The following NEBL variants were observed in gnomAD, a reference collection of about 807,000 sequenced individuals.
NEBL encodes nebulette.
NEBL carries 122 observed loss-of-function variants against 140.2 expected under a neutral mutation model. That is an observed-to-expected ratio of 0.87 (90% confidence interval 0.75 to 1.01). The LOEUF is 1.01. NEBL is among the 50% of genes least tolerant of loss of function. The probability of loss-of-function intolerance (pLI) is 0.00; values close to 1 mark genes in which losing one functional copy is unlikely to be tolerated. For missense variants in NEBL, 1,365 were observed against 1,231.3 expected (o/e 1.11, Z -1.62); for synonymous variants, 436 against 398.9 (o/e 1.09, Z -1.11).
At chr10:20,846,354 T>C (rs972870187) in intron 11 of NEBL, among the ~76,000 whole-genome samples, 1 of 152,218 alleles carries the variant, frequency 6.6e-6, no homozygotes, top group Admixed American at 6.5e-5. Flanking sequence ...TCCAGGTTGA[T>C]TATTTATTCA....
In NEBL at chr10:21,189,269, AGAG is replaced by A. The variant is rs374299456; in HGVS notation, n.349-16795_349-16793del. Among the ~76,000 whole-genome samples the A allele has an allele frequency of 1.3e-3, 193 of 152,260 alleles. 1 individual carries two copies. Among genetic ancestry groups the A allele is most frequent in the East Asian group, 4.5e-3 (23 of 5,166 alleles). ...AGACAGGCAGAAGAGGAGGAGACAC[AGAG>A]GAGGAGGCAATGTGACCACACAGGT... On this transcript the variant is annotated intron_variant and non_coding_transcript_variant, in intron 3 of 8. Coordinates refer to the NEBL transcript ENST00000675702.
intron 2 of NEBL, among the ~76,000 whole-genome samples, chr10:20,896,236 C>A (rs1257602673): frequency 6.6e-6 from 1 of 152,026 alleles, no homozygotes; most frequent in Non-Finnish European, 1.5e-5. Context: ...TCTAAATTCT[C>A]ATCCCTGGTG....
At chr10:20,842,624 G>T (rs1268574196) in intron 12 of NEBL, among the ~76,000 whole-genome samples, 1 of 151,948 alleles carries the variant, frequency 6.6e-6, no homozygotes, top group Admixed American at 6.6e-5. Context: ...ATTTATGGTT[G>T]CATATATTTA....
intron 2 of NEBL, among the ~76,000 whole-genome samples, chr10:21,039,410 T>C (rs981278859): frequency 5.3e-5 from 8 of 152,196 alleles, no homozygotes; most frequent in African/African-American, 1.9e-4. Context: ...GTATAAGGTG[T>C]AAGGACGGGT....
At chr10:20,855,274 A>C (rs1842951332) in intron 9 of NEBL, among the ~76,000 whole-genome samples, 2 of 151,930 alleles carry the variant, frequency 1.3e-5, no homozygotes, top group African/African-American at 4.8e-5. Flanking sequence ...AAAATCTGGA[A>C]AGAAAGATAA....
chr10:21,255,078 G>A (rs954378667), intron 1 of NEBL, among the ~76,000 whole-genome samples: 2 of 151,936 alleles, frequency 1.3e-5, no homozygotes, highest in Admixed American at 6.6e-5. Context: ...ACCTCCCTCC[G>A]AAGGGCCCCA....
chr10:21,003,784 G>A (rs1335330333), intron 3 of NEBL, among the ~76,000 whole-genome samples: 1 of 152,150 alleles, frequency 6.6e-6, no homozygotes, highest in African/African-American at 2.4e-5. Flanking sequence ...GCTTTTCATA[G>A]GAACTAGCCT....
chr10:20,965,578 C>T (rs577578986), intron 3 of NEBL, among the ~76,000 whole-genome samples: 1 of 152,298 alleles, frequency 6.6e-6, no homozygotes, highest in Non-Finnish European at 1.5e-5. Flanking sequence ...AGTGGTCACA[C>T]GGGGCTTTGC....
intron 2 of NEBL, among the ~76,000 whole-genome samples, chr10:21,137,033 C>T (rs1402288952): frequency 6.6e-6 from 1 of 152,164 alleles, no homozygotes; most frequent in African/African-American, 2.4e-5. Flanking sequence ...GGAAAAATCC[C>T]ACTAAGTTAG....
chr10:21,277,099 A>G (rs1352187889), intron 1 of NEBL, among the ~76,000 whole-genome samples: 1 of 152,142 alleles, frequency 6.6e-6, no homozygotes, highest in Non-Finnish European at 1.5e-5. Context: ...ACTGTACTCC[A>G]GCCTGAGTCA....
Position 20,961,559 on chromosome 10 carries a change from G to A in NEBL, c.357+113C>T, listed in dbSNP as rs1032431664. Reference sequence around the variant, plus strand: ...AATTGGCATAGTCTATGCGTGCACTGAGTACTGCTTGCACCCCACAGCAAC... The same window carrying A: ...AATTGGCATAGTCTATGCGTGCACTAAGTACTGCTTGCACCCCACAGCAAC... On this transcript the variant is annotated intron_variant, in intron 4 of 6. Transcript: ENST00000417816. The A allele has an allele frequency of 3.7e-6, 3 of 816,528 alleles. No individual in the cohort carries two copies. The Admixed American group carries it at 5.1e-5, about 14-fold the overall frequency. The allele number at this position is 816,528 out of a possible 1,614,324, so 50.6% of individuals were successfully genotyped here.
chr10:21,149,457 A>G (rs1325119698), intron 2 of NEBL, among the ~76,000 whole-genome samples: 1 of 152,018 alleles, frequency 6.6e-6, no homozygotes, highest in Admixed American at 6.6e-5. Flanking sequence ...CACCCAGATA[A>G]TTTTTATATT....
intron 2 of NEBL, among the ~76,000 whole-genome samples, chr10:21,119,529 AATATAACAT>A (rs1303863236): frequency 6.7e-6 from 1 of 149,824 alleles, no homozygotes; most frequent in African/African-American, 2.4e-5. Context: ...TAATATACTG[AATATAACAT>A]ATATAACATT....
At chr10:20,835,906 G>C (rs921451271) in intron 13 of NEBL, among the ~76,000 whole-genome samples, 1 of 152,182 alleles carries the variant, frequency 6.6e-6, no homozygotes, top group Non-Finnish European at 1.5e-5. Context: ...CTGGAGGATA[G>C]GGAGGTGGGT....
intron 2 of NEBL, among the ~76,000 whole-genome samples, chr10:21,122,876 T>C (rs908811264): frequency 6.6e-6 from 1 of 152,158 alleles, no homozygotes; most frequent in Non-Finnish European, 1.5e-5. Context: ...GTATATGCCT[T>C]TATTTCCTAG....
At position 20,792,803 on chromosome 10, in the gene NEBL, C is replaced by CAA. The variant is rs879926102; in HGVS notation, c.2762-5497_2762-5496dup. On this transcript the variant is annotated intron_variant, in intron 26 of 27. Transcript: ENST00000377122. ...TGACAAGAGCAAAATAATTCTGTCT[C>CAA]AAAAAAAAAAAAAACAAAACTCCTG... Among the ~76,000 whole-genome samples, 846 of 105,004 alleles carry CAA rather than the reference C, an allele frequency of 8.1e-3. 10 individuals are homozygous for CAA. Among genetic ancestry groups the CAA allele is most frequent in the African/African-American group, 0.027 (783 of 29,498 alleles). The allele number at this position is 105,004 out of a possible 152,430, so 68.9% of individuals were successfully genotyped here.
chr10:20,792,264 C>T (rs1836073660), intron 26 of NEBL, among the ~76,000 whole-genome samples: 1 of 151,988 alleles, frequency 6.6e-6, no homozygotes. Flanking sequence ...GGGAGAAAAT[C>T]ACCATTCAGA....
chr10:21,131,424 C>T (rs1255700352), intron 2 of NEBL, among the ~76,000 whole-genome samples: 4 of 152,110 alleles, frequency 2.6e-5, no homozygotes. Flanking sequence ...CAAAACCAGA[C>T]CGAAATTGAC....
At chr10:20,810,578 C>G (rs1447557560) in intron 24 of NEBL, among the ~76,000 whole-genome samples, 1 of 152,184 alleles carries the variant, frequency 6.6e-6, no homozygotes, top group Non-Finnish European at 1.5e-5. Context: ...CAGCTTCCTG[C>G]TGTCAATGGA....
Sources: allele counts gnomAD v4.1 joint callset (sites outside exome capture counted in the v4.1 genomes callset), GRCh38; gene constraint gnomAD v4.1.1; transcripts MANE v1.5; gene names NCBI Gene and HGNC (gene_info 2026-07-23, HGNC 2026-07-21).